The following AFM variants were observed in gnomAD, a reference collection of about 807,000 sequenced individuals.
AFM encodes the protein afamin.
In AFM, 82 loss-of-function variants were observed where a neutral mutation model predicts 68.7. That is an observed-to-expected ratio of 1.19 (90% CI 1.00 to 1.43). The LOEUF is 1.43. Among genes scored for constraint, AFM ranks in the 40% most tolerant of loss-of-function variants. The probability of loss-of-function intolerance (pLI) is 0.00; values close to 1 mark genes in which losing one functional copy is unlikely to be tolerated. For synonymous variants in AFM, 250 were observed against 234.2 expected (o/e 1.07, Z -0.61); for missense variants, 772 against 701.8 (o/e 1.10, Z -1.13).
At chr4:73,484,577 C>T (rs773005687) in intron 3 of AFM, among the ~76,000 whole-genome samples, 187 bp downstream of exon 3, 69 of 150,928 alleles carry the variant, frequency 4.6e-4, no homozygotes, top group Non-Finnish European at 6.8e-4. Context: ...CGCTCTGTCA[C>T]CCAGGCTGGA....
chr4:73,491,215 G>A (rs993025917), intron 7 of AFM, among the ~76,000 whole-genome samples: 6 of 152,164 alleles, frequency 3.9e-5, no homozygotes, highest in African/African-American at 1.4e-4. Flanking sequence ...TTATGTAGAG[G>A]TTAGAACTGG....
At chr4:73,493,686 C>A (rs1721165277) in intron 8 of AFM, among the ~76,000 whole-genome samples, 1 of 152,144 alleles carries the variant, frequency 6.6e-6, no homozygotes, top group Non-Finnish European at 1.5e-5. Flanking sequence ...CGAAGTCACA[C>A]ATGTGGTGTG....
intron 3 of AFM, 93 bp downstream of exon 3, chr4:73,484,483 TTTCTTTCTTTCTTTCTTTCTTTCA>T (rs1240143072): frequency 3.0e-5 from 21 of 704,730 alleles, no homozygotes; most frequent in East Asian, 3.0e-4. Context: ...TCTTTCTTTC[TTTCTTTCTTTCTTTCTTTCTTTCA>T]TTCTTTCTTT....
At chr4:73,494,895 T>C (rs1171665835) in intron 8 of AFM, among the ~76,000 whole-genome samples, 1 of 152,196 alleles carries the variant, frequency 6.6e-6, no homozygotes, top group Non-Finnish European at 1.5e-5. Context: ...GAAGACCACA[T>C]TGTGGGCGGG....
Position 73,497,699 on chromosome 4 carries a change from A to T in AFM, c.1239A>T (p.Gln413His). 2 of 1,611,100 alleles carry T rather than the reference A, an allele frequency of 1.2e-6. No individual in the cohort carries two copies. Among genetic ancestry groups the T allele is most frequent in the South Asian group, 2.2e-5 (2 of 90,688 alleles). The change falls in exon 10 of 15, where the codon CAA becomes CAT. Residue 413 changes from glutamine to histidine, a missense_variant. Physicochemically the swap from Gln to His is conservative, Grantham distance 24. Transcript: ENST00000226355. ...CTGAGAAAAGCCTCAAGATGGTACA[A>T]CAAGAATGTAAACATTTCCAGAATT... ...ETTEKSLKMV[Q>H]QECKHFQNLG...
intron 12 of AFM, among the ~76,000 whole-genome samples, chr4:73,500,956 G>A (rs761677244): frequency 6.6e-6 from 1 of 152,002 alleles, no homozygotes; most frequent in African/African-American, 2.4e-5. Flanking sequence ...AAATGAAAGC[G>A]AGAAAATGCA....
chr4:73,497,760 T>A lies in AFM; in HGVS notation c.1289+11T>A. On this transcript the variant is annotated intron_variant, in intron 10 of 14. Transcript: ENST00000226355. Reference sequence around the variant, plus strand: ...TGGTTTGAAATACCAGTATGTTGTTTGCACAAGTGGGCTAACACTTGCCAC... The same window carrying A: ...TGGTTTGAAATACCAGTATGTTGTTAGCACAAGTGGGCTAACACTTGCCAC... The A allele has an allele frequency of 1.3e-6, 2 of 1,527,714 alleles. No homozygotes were observed. Among genetic ancestry groups the A allele is most frequent in the Non-Finnish European group, 1.8e-6 (2 of 1,109,034 alleles). The allele number at this position is 1,527,714 out of a possible 1,614,324, so 94.6% of individuals were successfully genotyped here.
At chr4:73,498,582 A>G (rs1721324757) in intron 10 of AFM, among the ~76,000 whole-genome samples, 1 of 152,198 alleles carries the variant, frequency 6.6e-6, no homozygotes, top group African/African-American at 2.4e-5. Context: ...ACCTGGCCTC[A>G]TGCTAATGTA....
intron 9 of AFM, 121 bp downstream of exon 9, chr4:73,495,553 C>T (rs72856648): frequency 0.028 from 34,031 of 1,222,300 alleles, 774 homozygotes; most frequent in African/African-American, 0.086. Flanking sequence ...AATCTGAGTC[C>T]ACTGTAGATT....
intron 8 of AFM, 49 bp downstream of exon 8, chr4:73,492,135 T>C (rs759259199): frequency 7.3e-6 from 11 of 1,507,262 alleles, no homozygotes; most frequent in Non-Finnish European, 9.9e-6. Context: ...AAGAAACTTA[T>C]AAGATTTGAC....
chr4:73,492,181 G>A (rs527379193), intron 8 of AFM, 95 bp downstream of exon 8: 318 of 1,107,582 alleles, frequency 2.9e-4, no homozygotes, highest in Middle Eastern at 9.7e-4. Flanking sequence ...ACATGGTACC[G>A]TTTATTTCAC....
intron 3 of AFM, 46 bp downstream of exon 3, chr4:73,484,436 C>CTT (rs764234697): frequency 4.7e-6 from 6 of 1,277,028 alleles, no homozygotes. Flanking sequence ...TTATGTCTTT[C>CTT]TTTCTCTTTC....
In AFM at chr4:73,501,774, C is replaced by G. The variant is rs766701891; in HGVS notation, c.1647-13C>G. ...AGCGTTAATTAATTTTATTTGACAT[C>G]TTTTGGCCACAGGTTTCTTGTCAAC... On this transcript the variant is annotated splice_polypyrimidine_tract_variant and intron_variant, in intron 12 of 14. Coordinates refer to ENST00000226355, the MANE Select transcript of AFM (RefSeq NM_001133.2). The G allele has an allele frequency of 9.3e-6, 15 of 1,608,276 alleles. No homozygotes were observed. In the African/African-American group the frequency reaches 1.1e-4, roughly 12 times the overall value.
At chr4:73,493,562 C>T (rs1165935707) in intron 8 of AFM, among the ~76,000 whole-genome samples, 3 of 152,120 alleles carry the variant, frequency 2.0e-5, no homozygotes, top group Non-Finnish European at 4.4e-5. Flanking sequence ...ATTTTAAGTG[C>T]CTCTCATCTA....
At chr4:73,486,929 C>T (rs772823179) in intron 4 of AFM, 38 bp from the exon 5 acceptor site, 10 of 1,595,598 alleles carry the variant, frequency 6.3e-6, no homozygotes, top group Admixed American at 5.0e-5. Flanking sequence ...TGTTTCTTCC[C>T]TCACCCGTCT....
At chr4:73,497,456 C>A (rs955721126) in intron 9 of AFM, among the ~76,000 whole-genome samples, 196 bp from the exon 10 acceptor site, 1 of 152,052 alleles carries the variant, frequency 6.6e-6, no homozygotes, top group South Asian at 2.1e-4. Flanking sequence ...TTAAATTTAG[C>A]AAGAAATATA....
At chr4:73,499,707 G>A (rs905088323) in intron 11 of AFM, among the ~76,000 whole-genome samples, 12 of 152,018 alleles carry the variant, frequency 7.9e-5, no homozygotes, top group African/African-American at 2.4e-4. Flanking sequence ...GTGTTTGATC[G>A]CCCCTTTCAG....
intron 1 of AFM, among the ~76,000 whole-genome samples, chr4:73,482,352 A>T (rs1234288932): frequency 6.6e-6 from 1 of 152,196 alleles, no homozygotes; most frequent in Non-Finnish European, 1.5e-5. Context: ...GTAGGAAGGG[A>T]TGACTTTTTT....
chr4:73,482,614 G>A (rs944171227), intron 1 of AFM, among the ~76,000 whole-genome samples: 3 of 152,038 alleles, frequency 2.0e-5, no homozygotes, highest in African/African-American at 7.2e-5. Flanking sequence ...GTAACAACCT[G>A]TTTCAAAATC....
Sources: allele counts gnomAD v4.1 joint callset (sites outside exome capture counted in the v4.1 genomes callset), GRCh38; gene constraint gnomAD v4.1.1; transcripts MANE v1.5; gene names NCBI Gene and HGNC (gene_info 2026-07-23, HGNC 2026-07-21).